KMT2E: variants seen among roughly 807,000 people sequenced by gnomAD.
The protein encoded by KMT2E is lysine methyltransferase 2E (inactive).
KMT2E carries 30 observed loss-of-function variants against 184.6 expected under a neutral mutation model. The ratio of observed to expected loss-of-function variants is 0.16; its 90% CI spans 0.12 to 0.22. The LOEUF (loss-of-function observed/expected upper bound fraction) is 0.22. KMT2E is among the 10% of genes least tolerant of loss of function. The pLI, the probability that KMT2E is intolerant of heterozygous loss-of-function variation, is 1.00. For missense variants in KMT2E, 2,023 were observed against 2,237.4 expected (o/e 0.90, Z 1.93); for synonymous variants, 815 against 776.5 (o/e 1.05, Z -0.82).
chr7:105,104,004 T>C (rs1798784621), intron 17 of KMT2E: 1 of 151,880 alleles, frequency 6.6e-6, no homozygotes, highest in South Asian at 2.1e-4. Context: ...TTTTTTTGTA[T>C]TTTAGTAGAA....
chr7:105,098,395 A>G (rs2129569303), intron 15 of KMT2E, among the ~76,000 whole-genome samples: 1 of 151,834 alleles, frequency 6.6e-6, no homozygotes, highest in Non-Finnish European at 1.5e-5. Context: ...GCATGCTACC[A>G]TGTTCCACTA....
Position 105,023,421 on chromosome 7 carries a change from A to AAAAAAAAG in KMT2E, c.-189+8887_-189+8888insAAAAAAGA, listed in dbSNP as rs1230122307. Among the ~76,000 whole-genome samples, 54 of 149,858 alleles carry AAAAAAAAG rather than the reference A, an allele frequency of 3.6e-4. 1 individual carries two copies. The East Asian group carries it at 7.3e-3, about 20-fold the overall frequency. ...CTGTCTCAAAAAAAAAAAAAAAAAAAAGAGAGACAAAAATTCATTAAGCAA... is the reference window on the plus strand; with the variant it reads ...CTGTCTCAAAAAAAAAAAAAAAAAAAAAAAAAAGAGAGAGACAAAAATTCATTAAGCAA... On this transcript the variant is annotated intron_variant, in intron 1 of 26. Transcript: ENST00000311117.
chr7:105,077,515 T>C (rs971942730), intron 11 of KMT2E, 82 bp downstream of exon 11: 4 of 1,069,882 alleles, frequency 3.7e-6, no homozygotes, highest in Non-Finnish European at 5.6e-6. Flanking sequence ...GTTGTGATTA[T>C]ATGTACTTTT....
chr7:105,079,787 G>T (rs1196746539), intron 12 of KMT2E, among the ~76,000 whole-genome samples: 1 of 150,858 alleles, frequency 6.6e-6, no homozygotes, highest in Non-Finnish European at 1.5e-5. Context: ...GCCTCCCAAA[G>T]GGCTGGGATT....
intron 3 of KMT2E, among the ~76,000 whole-genome samples, chr7:105,055,500 T>G (rs1330630004): frequency 6.6e-6 from 1 of 152,220 alleles, no homozygotes; most frequent in Non-Finnish European, 1.5e-5. Context: ...TCTTTTTCAG[T>G]CTGTTCTTCG....
At position 105,078,840 on chromosome 7, in the gene KMT2E, T is replaced by C. The variant is rs1170808619; in HGVS notation, c.1131-6T>C. Reference sequence around the variant, plus strand: ...TTAATAGCTTATAATGTTTCTTTCTTTGTAGACCATACCCTTTTGTGTTAT... The same window carrying C: ...TTAATAGCTTATAATGTTTCTTTCTCTGTAGACCATACCCTTTTGTGTTAT... On this transcript the variant is annotated splice_region_variant and splice_polypyrimidine_tract_variant and intron_variant, in intron 11 of 26. Coordinates refer to ENST00000311117, the MANE Select transcript of KMT2E (RefSeq NM_182931.3). 1 of 1,472,458 alleles carries C rather than the reference T, an allele frequency of 6.8e-7. No individual in the cohort carries two copies. The highest frequency in any genetic ancestry group is 1.7e-5 in the Admixed American group (1 of 59,630). The allele number at this position is 1,472,458 out of a possible 1,614,324, so 91.2% of individuals were successfully genotyped here.
At chr7:105,026,029 T>C (rs1374476807) in intron 1 of KMT2E, among the ~76,000 whole-genome samples, 1 of 152,198 alleles carries the variant, frequency 6.6e-6, no homozygotes, top group Non-Finnish European at 1.5e-5. Flanking sequence ...GGAGCTATAC[T>C]CAAAGAATAC....
At chr7:105,058,375 T>A (rs893863966) in intron 3 of KMT2E, among the ~76,000 whole-genome samples, 1 of 152,212 alleles carries the variant, frequency 6.6e-6, no homozygotes, top group African/African-American at 2.4e-5. Context: ...TGTCATCTTA[T>A]CTACCTATCA....
intron 15 of KMT2E, among the ~76,000 whole-genome samples, chr7:105,098,884 G>A (rs1315536020): frequency 6.6e-6 from 1 of 152,184 alleles, no homozygotes; most frequent in Non-Finnish European, 1.5e-5. Flanking sequence ...TATAGCACAG[G>A]TGTTAGGGGC....
At chr7:105,101,376 CT>C in intron 15 of KMT2E, 48 bp from the exon 16 acceptor site, 1 of 1,295,024 alleles carries the variant, frequency 7.7e-7, no homozygotes. Context: ...CTTAATTTTA[CT>C]TTTGAGCATT....
chr7:105,112,721 A>C lies in KMT2E; in HGVS notation c.4965A>C (p.Val1655=). Reference sequence around the variant, plus strand: ...ATCAGCAACACTCTGTAGCACATGTAGTAGGGCCTGTTCATGCGGTCACCC... The same window carrying C: ...ATCAGCAACACTCTGTAGCACATGTCGTAGGGCCTGTTCATGCGGTCACCC... The part of the protein sequence containing the change: ...NSHQQHSVAH[V]VGPVHAVTPG... The change falls in exon 27 of 27, where the codon GTA becomes GTC. Residue 1655 remains valine (V), a synonymous_variant. Transcript: ENST00000311117. 6.2e-7 allele frequency: 1 copy of C among 1,613,878 alleles called. No homozygotes were observed. Among genetic ancestry groups the C allele is most frequent in the Non-Finnish European group, 8.5e-7 (1 of 1,179,940 alleles).
chr7:105,028,222 G>A (rs1202365807), intron 1 of KMT2E, among the ~76,000 whole-genome samples: 1 of 151,150 alleles, frequency 6.6e-6, no homozygotes, highest in Non-Finnish European at 1.5e-5. Flanking sequence ...AGGCTGGAGT[G>A]CAGTGGTGTG....
chr7:105,023,506 G>C (rs1323932080), intron 1 of KMT2E, among the ~76,000 whole-genome samples: 3 of 147,510 alleles, frequency 2.0e-5, no homozygotes, highest in Non-Finnish European at 4.4e-5. Context: ...GTGCAGTGGT[G>C]TGATCTCCAC....
intron 11 of KMT2E, 43 bp from the exon 12 acceptor site, chr7:105,078,803 C>T (rs561571433): frequency 5.7e-5 from 66 of 1,158,290 alleles, no homozygotes; most frequent in Middle Eastern, 2.0e-4. Flanking sequence ...CCAGCATGCC[C>T]GGCCTAAAAT....
At chr7:105,035,294 A>G (rs1383564612) in intron 1 of KMT2E, among the ~76,000 whole-genome samples, 1 of 151,622 alleles carries the variant, frequency 6.6e-6, no homozygotes, top group Admixed American at 6.6e-5. Context: ...GGCCTCCCAA[A>G]GTGCTGGGAT....
chr7:105,047,695 A>T (rs1313237154), intron 3 of KMT2E, among the ~76,000 whole-genome samples: 2 of 152,204 alleles, frequency 1.3e-5, no homozygotes, highest in Non-Finnish European at 2.9e-5. Flanking sequence ...GAAGTCACGG[A>T]TTGTAAGTTA....
At chr7:105,040,613 GTAA>G (rs1562885564) in intron 2 of KMT2E, among the ~76,000 whole-genome samples, 4 of 152,130 alleles carry the variant, frequency 2.6e-5, no homozygotes, top group African/African-American at 9.7e-5. Flanking sequence ...ATATGCCGTA[GTAA>G]TCTTCTTGTG....
At chr7:105,038,566 T>G (rs1298317855) in intron 2 of KMT2E, 2 of 152,154 alleles carry the variant, frequency 1.3e-5, no homozygotes. Flanking sequence ...TTTCACCATG[T>G]TGGCCAGGAT....
chr7:105,097,680 GC>G (rs1798470082), intron 15 of KMT2E, among the ~76,000 whole-genome samples: 1 of 152,116 alleles, frequency 6.6e-6, no homozygotes, highest in South Asian at 2.1e-4. Flanking sequence ...GAGCCACTGT[GC>G]CCAGCCACCT....
Sources: gnomAD v4.1 joint callset for allele counts (sites outside exome capture counted in the v4.1 genomes callset) on GRCh38, gnomAD v4.1.1 for gene constraint, MANE v1.5 for transcripts, NCBI Gene and HGNC (gene_info 2026-07-23, HGNC 2026-07-21) for gene names.